Variants in ARHGEF1 observed in about 807,000 individuals in gnomAD.
ARHGEF1 encodes the protein Rho guanine nucleotide exchange factor 1, also known as 115 kDa guanine nucleotide exchange factor.
In ARHGEF1, 40 loss-of-function variants were observed where a neutral mutation model predicts 119.7. That is an observed-to-expected ratio of 0.33 (90% confidence interval 0.26 to 0.44). The LOEUF is 0.44. Among genes scored for constraint, ARHGEF1 ranks in the 20% least tolerant of loss-of-function variants. The pLI, the probability that ARHGEF1 is intolerant of heterozygous loss-of-function variation, is 1.00. For missense variants in ARHGEF1, 976 were observed against 1,268.3 expected (o/e 0.77, Z 3.50); for synonymous variants, 494 against 521.0 (o/e 0.95, Z 0.71).
chr19:41,898,002 C>T, intron 13 of ARHGEF1: 15 of 1,326,820 alleles, frequency 1.1e-5, no homozygotes, highest in South Asian at 2.2e-5. Flanking sequence ...CGCCGCCGGC[C>T]TTCCCGGGGC....
At chr19:41,891,982 G>A in intron 4 of ARHGEF1, 43 bp from the exon 5 acceptor site, 1 of 1,522,412 alleles carries the variant, frequency 6.6e-7, no homozygotes, top group Non-Finnish European at 9.0e-7. Flanking sequence ...GTGGTTTGAG[G>A]CAGGGTGAGG....
At chr19:41,910,192 C>A, downstream of ARHGEF1, 1 of 1,205,160 alleles carries the variant, frequency 8.3e-7, no homozygotes, top group South Asian at 1.5e-5. This position sits in a 1 kb window ranked among gnomAD's most constrained non-coding sequence, Gnocchi z 4.4. Flanking sequence ...GCATGTAGTT[C>A]TCCTCCAGTC....
intron 1 of ARHGEF1, among the ~76,000 whole-genome samples, chr19:41,924,976 G>A (rs2074862972): frequency 2.0e-5 from 3 of 152,236 alleles, no homozygotes; most frequent in Admixed American, 1.3e-4. Context: ...GGTTCCCAAT[G>A]CTTGCAAAAG....
chr19:41,884,888 T>C (rs2074270430), intron 1 of ARHGEF1, among the ~76,000 whole-genome samples: 1 of 152,190 alleles, frequency 6.6e-6, no homozygotes, highest in African/African-American at 2.4e-5. Flanking sequence ...GTATGATCCC[T>C]GGATCCTTTA....
downstream of ARHGEF1, chr19:41,908,290 C>T (rs551170401): frequency 2.5e-5 from 31 of 1,231,592 alleles, no homozygotes; most frequent in East Asian, 8.8e-4. This position sits in a 1 kb window ranked among gnomAD's most constrained non-coding sequence, Gnocchi z 6.7. Flanking sequence ...CCCTCATCGC[C>T]CTCGCTGTCA....
At chr19:41,901,513 C>G in intron 14 of ARHGEF1, among the ~76,000 whole-genome samples, 1 of 152,198 alleles carries the variant, frequency 6.6e-6, no homozygotes. Context: ...GCCATCATAG[C>G]TCACTGCAGC....
intron 4 of ARHGEF1, 25 bp from the exon 5 acceptor site, chr19:41,892,000 G>A: frequency 3.2e-6 from 5 of 1,571,166 alleles, no homozygotes; most frequent in Non-Finnish European, 4.3e-6. Flanking sequence ...AGGGAGCGGA[G>A]AGTCATGCTG....
At chr19:41,897,753 C>T (rs1258068153) in intron 13 of ARHGEF1, 1 of 505,632 alleles carries the variant, frequency 2.0e-6, no homozygotes, top group Non-Finnish European at 3.3e-6. Flanking sequence ...TGGTCTCTCC[C>T]CGTCTCTGTC....
rs782366048 is a variant in ARHGEF1, at chr19:41,901,940, C to G, written c.1321C>G (p.Leu441Val). 2 of 1,613,714 alleles carry G rather than the reference C, an allele frequency of 1.2e-6. No homozygotes were observed. Among genetic ancestry groups the G allele is most frequent in the Non-Finnish European group, 1.7e-6 (2 of 1,180,038 alleles). Residue 441 changes from leucine (L) to valine (V), a missense_variant, in exon 15 of 29, where the codon CTC becomes GTC. By Grantham distance (32) the Leu-to-Val change is conservative. Coordinates refer to ENST00000354532, the MANE Select transcript of ARHGEF1 (RefSeq NM_004706.4). The stretch of plus-strand genomic sequence containing the variant: ...GCGCATGCTGCGGGTGCTGCACGAC[C>G]TCTTCTTCCAGCCCATGGCAGAATG... ...HVRMLRVLHD[L>V]FFQPMAECLF...
chr19:41,887,889 C>A (rs1399144477), intron 1 of ARHGEF1, among the ~76,000 whole-genome samples, 175 bp from the exon 2 acceptor site: 1 of 152,242 alleles, frequency 6.6e-6, no homozygotes, highest in African/African-American at 2.4e-5. Context: ...GGCTCCCGCC[C>A]CCTGGCGGGT....
At chr19:41,907,073 C>A in intron 28 of ARHGEF1, 32 bp from the exon 29 acceptor site, 1 of 1,468,438 alleles carries the variant, frequency 6.8e-7, no homozygotes, top group Non-Finnish European at 9.0e-7. Flanking sequence ...CTCCATCTCT[C>A]CCCGTCTCCC....
chr19:41,887,969 T>C (rs1555845494), intron 1 of ARHGEF1, 95 bp from the exon 2 acceptor site: 2 of 1,383,590 alleles, frequency 1.4e-6, no homozygotes. Flanking sequence ...GGGAGGCTGT[T>C]TACTCACCTT....
intron 1 of ARHGEF1, chr19:41,884,631 G>A: frequency 1.6e-6 from 2 of 1,218,474 alleles, no homozygotes; most frequent in Non-Finnish European, 2.3e-6. Context: ...TAAGATTTGG[G>A]TCTCGTGTAG....
chr19:41,908,112 T>C (rs2074728647), downstream of ARHGEF1: 2 of 779,346 alleles, frequency 2.6e-6, no homozygotes, highest in East Asian at 3.4e-5. This position sits in a 1 kb window ranked among gnomAD's most constrained non-coding sequence, Gnocchi z 6.7. Context: ...GGGGCAGCAA[T>C]GTGCCCAGAC....
At chr19:41,898,342 G>T (rs782256860) in intron 13 of ARHGEF1, 100 bp from the exon 14 acceptor site, 3 of 1,525,456 alleles carry the variant, frequency 2.0e-6, no homozygotes, top group East Asian at 4.9e-5. Context: ...TGCGGGCATC[G>T]AATGCCAAGG....
intron 13 of ARHGEF1, chr19:41,897,802 GCCTCTCCCCA>G: frequency 1.3e-6 from 1 of 794,168 alleles, no homozygotes; most frequent in Non-Finnish European, 1.7e-6. Flanking sequence ...CCCTGCCCTG[GCCTCTCCCCA>G]CCTCTGTCCC....
Position 41,907,374 on chromosome 19 carries a change from C to G in ARHGEF1, c.*287C>G, listed in dbSNP as rs1555850588. ...TTGCCTGTGGGGGCCACCCCTCCAC[C>G]CCCACCCCCAAGTGCCTTCGCTCTG... On this transcript the variant is annotated 3_prime_UTR_variant, in exon 29 of 29. Coordinates refer to ENST00000354532, the MANE Select transcript of ARHGEF1 (RefSeq NM_004706.4). The G allele has an allele frequency of 6.5e-7, 1 of 1,535,490 alleles. No homozygotes were observed. Among genetic ancestry groups the G allele is most frequent in the Non-Finnish European group, 8.7e-7 (1 of 1,146,662 alleles).
rs1246171449 is a variant in ARHGEF1, at chr19:41,883,874, A to G, written c.-20+585A>G. On this transcript the variant is annotated intron_variant, in intron 1 of 28. Coordinates refer to ENST00000354532, the MANE Select transcript of ARHGEF1 (RefSeq NM_004706.4). The surrounding 1 kb of genome is among the most constrained non-coding windows in gnomAD (Gnocchi z 7.6). Reference sequence around the variant, plus strand: ...GGGAGAGAGCTGGAGGCCTTCTCCCATTGTACGGATGGGAAGACTGAGGTC... The same window carrying G: ...GGGAGAGAGCTGGAGGCCTTCTCCCGTTGTACGGATGGGAAGACTGAGGTC... 6.6e-6 allele frequency among the ~76,000 whole-genome samples: 1 copy of G among 152,038 alleles called. No homozygotes were observed. Among genetic ancestry groups the G allele is most frequent in the African/African-American group, 2.4e-5 (1 of 41,400 alleles).
In ARHGEF1 at chr19:41,904,220, G is replaced by A. The variant is rs782365789; in HGVS notation, c.1998G>A (p.Val666=). ...WRVTKDKAVE[V]HVLLLDDLLL... is the part of the protein sequence containing the mutation. ...TGAGCACTGCTCGCCCCGTAGAGGTGCATGTGCTGCTGCTGGACGACCTGC... is the reference window on the plus strand; with the variant it reads ...TGAGCACTGCTCGCCCCGTAGAGGTACATGTGCTGCTGCTGGACGACCTGC... The change falls in exon 22 of 29, where the codon GTG becomes GTA. Residue 666 remains valine (V), a synonymous_variant. Coordinates refer to ENST00000354532, the MANE Select transcript of ARHGEF1 (RefSeq NM_004706.4). This position sits in a 1 kb window ranked among gnomAD's most constrained non-coding sequence, Gnocchi z 8.4. 1.2e-6 allele frequency: 2 copies of A among 1,613,566 alleles called. No homozygotes were observed. The highest frequency in any genetic ancestry group is 1.1e-5 in the South Asian group (1 of 91,034).
Sources: allele counts gnomAD v4.1 joint callset (sites outside exome capture counted in the v4.1 genomes callset), GRCh38; gene constraint gnomAD v4.1.1; non-coding constraint Gnocchi (gnomAD v3.1); transcripts MANE v1.5; gene names NCBI Gene and HGNC (gene_info 2026-07-23, HGNC 2026-07-21).